PTK2: variants seen among roughly 807,000 people sequenced by gnomAD.
The protein encoded by PTK2 is focal adhesion kinase 1.
PTK2 carries 45 observed loss-of-function variants against 150.1 expected under a neutral mutation model. The ratio of observed to expected loss-of-function variants is 0.30; its 90% confidence interval spans 0.24 to 0.38. PTK2 has a LOEUF of 0.38. Ranked by LOEUF, PTK2 falls within the 10% of genes least tolerant of loss-of-function variation. The probability of loss-of-function intolerance (pLI) is 1.00; values close to 1 mark genes in which losing one functional copy is unlikely to be tolerated. For synonymous variants in PTK2, 432 were observed against 449.2 expected (o/e 0.96, Z 0.48); for missense variants, 919 against 1,307.3 (o/e 0.70, Z 4.58).
chr8:140,864,292 A>G lies in PTK2; in HGVS notation c.450+20T>C, dbSNP rs1268515317. 1.4e-6 allele frequency: 2 copies of G among 1,386,918 alleles called. No individual in the cohort carries two copies. The highest frequency in any genetic ancestry group is 1.9e-6 in the Non-Finnish European group (2 of 1,027,536). The allele number at this position is 1,386,918 out of a possible 1,614,324, so 85.9% of individuals were successfully genotyped here. ...TTCAAAGAAACAAACAAAAAAGTAT[A>G]TGAAAGCAGTCTCTAATACCTGTTG... On this transcript the variant is annotated intron_variant, in intron 5 of 31. Transcript: ENST00000522684.
At chr8:140,701,180 G>A (rs2100030186) in intron 25 of PTK2, among the ~76,000 whole-genome samples, 158 bp from the exon 29 acceptor site, 1 of 152,076 alleles carries the variant, frequency 6.6e-6, no homozygotes, top group Admixed American at 6.6e-5. Context: ...TTCTGTAGGG[G>A]GCAATTTAAT....
chr8:140,998,203 G>A (rs377667740), intron 1 of PTK2, among the ~76,000 whole-genome samples: 4 of 152,074 alleles, frequency 2.6e-5, no homozygotes, highest in East Asian at 3.9e-4. Context: ...ATTGATCTAG[G>A]TCTAAATCTA....
chr8:140,869,215 A>T (rs2100141148), intron 4 of PTK2, among the ~76,000 whole-genome samples: 1 of 150,340 alleles, frequency 6.7e-6, no homozygotes, highest in Non-Finnish European at 1.5e-5. Flanking sequence ...ACTAATTTTA[A>T]AGCGCCTGAT....
intron 2 of PTK2, among the ~76,000 whole-genome samples, chr8:140,920,445 CAT>C (rs984913638): frequency 6.6e-6 from 1 of 152,024 alleles, no homozygotes; most frequent in Non-Finnish European, 1.5e-5. Context: ...TAAGAAAATA[CAT>C]GTTACTCTTA....
At chr8:140,918,028 G>A (rs890307318) in intron 2 of PTK2, among the ~76,000 whole-genome samples, 47 of 152,140 alleles carry the variant, frequency 3.1e-4, no homozygotes, top group African/African-American at 1.1e-3. Flanking sequence ...CAAACACCTA[G>A]TATGTGCCAA....
intron 1 of PTK2, among the ~76,000 whole-genome samples, chr8:140,997,340 A>C (rs2100198176): frequency 6.6e-6 from 1 of 152,248 alleles, no homozygotes; most frequent in South Asian, 2.1e-4. Flanking sequence ...AGAATATTGC[A>C]TACACTGATT....
At chr8:140,823,527 T>C (rs368759392) in intron 8 of PTK2, among the ~76,000 whole-genome samples, 14 of 152,192 alleles carry the variant, frequency 9.2e-5, no homozygotes, top group East Asian at 5.8e-4. Context: ...TCCACTGCAG[T>C]TTCTCACAGA....
chr8:140,973,497 C>A (rs950106424), intron 1 of PTK2, among the ~76,000 whole-genome samples: 3 of 151,254 alleles, frequency 2.0e-5, no homozygotes, highest in African/African-American at 7.3e-5. Context: ...CATACACACA[C>A]ACGTAAAAAA....
chr8:140,801,936 C>A (rs371913349), intron 11 of PTK2, among the ~76,000 whole-genome samples: 4 of 151,888 alleles, frequency 2.6e-5, no homozygotes, highest in East Asian at 1.9e-4. Flanking sequence ...TATGGTGAAG[C>A]TGGTGTAAAA....
At chr8:140,815,103 A>T (rs1317938916) in intron 10 of PTK2, among the ~76,000 whole-genome samples, 2 of 152,110 alleles carry the variant, frequency 1.3e-5, no homozygotes, top group East Asian at 3.9e-4. Context: ...ACACATATAC[A>T]TGTACGTCTA....
intron 1 of PTK2, among the ~76,000 whole-genome samples, chr8:140,966,354 A>G (rs1031618712): frequency 1.3e-5 from 2 of 152,322 alleles, no homozygotes; most frequent in African/African-American, 4.8e-5. Context: ...TTTATGTTTT[A>G]TTCTATGTAG....
chr8:140,879,402 T>C (rs1482398348), intron 4 of PTK2, 69 bp downstream of exon 4: 4 of 1,436,684 alleles, frequency 2.8e-6, no homozygotes, highest in African/African-American at 2.9e-5. Flanking sequence ...ACATTTGTTA[T>C]CTTGTGCATG....
intron 1 of PTK2, among the ~76,000 whole-genome samples, chr8:140,994,817 G>A (rs1340242280): frequency 1.3e-5 from 2 of 152,104 alleles, no homozygotes; most frequent in Non-Finnish European, 2.9e-5. Context: ...CAAAAATACT[G>A]CAATTAGAAC....
At chr8:140,715,635 C>G (rs1354729273) in intron 23 of PTK2, among the ~76,000 whole-genome samples, 1 of 151,936 alleles carries the variant, frequency 6.6e-6, no homozygotes, top group Non-Finnish European at 1.5e-5. Flanking sequence ...TGAGTGTGTT[C>G]CAATAAAACT....
chr8:140,900,535 A>T (rs1313015249), intron 2 of PTK2, among the ~76,000 whole-genome samples: 1 of 152,126 alleles, frequency 6.6e-6, no homozygotes, highest in Non-Finnish European at 1.5e-5. Context: ...CAGCCTCACC[A>T]ACATGGCGAA....
intron 14 of PTK2, among the ~76,000 whole-genome samples, chr8:140,771,954 A>ATT (rs61154851): frequency 1.4e-4 from 20 of 145,380 alleles, no homozygotes; most frequent in African/African-American, 4.0e-4. Context: ...TAATTTTTGT[A>ATT]TTTTTTTTTT....
At chr8:140,913,989 C>CA (rs1256642298) in intron 2 of PTK2, among the ~76,000 whole-genome samples, 6 of 151,886 alleles carry the variant, frequency 4.0e-5, no homozygotes, top group Non-Finnish European at 2.9e-5. Flanking sequence ...CTGTTTTAGT[C>CA]AAAGAAAAAA....
At chr8:140,695,453 C>T (rs963953692) in intron 26 of PTK2, among the ~76,000 whole-genome samples, 5 of 151,710 alleles carry the variant, frequency 3.3e-5, no homozygotes, top group African/African-American at 1.2e-4. Flanking sequence ...CTCTGTCACC[C>T]AGGCTGGAGT....
intron 7 of PTK2, among the ~76,000 whole-genome samples, chr8:140,837,788 G>A (rs1381914520): frequency 6.6e-6 from 1 of 151,538 alleles, no homozygotes; most frequent in East Asian, 1.9e-4. Flanking sequence ...GCTGGGCACG[G>A]TGGCTTACAC....
Sources: allele counts gnomAD v4.1 joint callset (sites outside exome capture counted in the v4.1 genomes callset), GRCh38; gene constraint gnomAD v4.1.1; transcripts MANE v1.5; gene names NCBI Gene and HGNC (gene_info 2026-07-23, HGNC 2026-07-21).